Variants in ARFGEF1 observed in about 807,000 individuals in gnomAD.
ARFGEF1 encodes ARF guanine nucleotide exchange factor 1.
In ARFGEF1, 42 loss-of-function variants were observed where a neutral mutation model predicts 231.0. That is an observed-to-expected ratio of 0.18 (90% CI 0.14 to 0.24). ARFGEF1 has a LOEUF of 0.24. Among genes scored for constraint, ARFGEF1 ranks in the 10% least tolerant of loss-of-function variants. The probability of loss-of-function intolerance (pLI) is 1.00; values close to 1 mark genes in which losing one functional copy is unlikely to be tolerated. For missense variants in ARFGEF1, 1,345 were observed against 2,192.0 expected (o/e 0.61, Z 7.72); for synonymous variants, 710 against 732.3 (o/e 0.97, Z 0.49).
chr8:67,264,476 C>T (rs1052879438), intron 14 of ARFGEF1, among the ~76,000 whole-genome samples: 5 of 152,048 alleles, frequency 3.3e-5, no homozygotes, highest in African/African-American at 1.2e-4. Context: ...TAACAGGCTT[C>T]TCTATTTGTC....
Position 67,302,461 on chromosome 8 carries a change from T to A in ARFGEF1, c.130A>T (p.Ile44Leu), listed in dbSNP as rs144563065. The A allele has an allele frequency of 9.3e-5, 146 of 1,570,970 alleles. No individual in the cohort carries two copies. The highest frequency in any genetic ancestry group is 1.2e-4 in the Non-Finnish European group (143 of 1,162,876). ...CTCTGTTTTTCAGTTTCCGCTTTTA[T>A]TTCCTCTGAGGGGAAAAAAAAAGAA... ...RKACEVALEE[I>L]KAETEKQSPP... is the part of the protein sequence containing the mutation. The change falls in exon 2 of 39, where the codon ATA becomes TTA. Residue 44 changes from isoleucine to leucine, a missense_variant. Ile to Leu is a conservative substitution (Grantham distance 5). This residue lies in a region of ARFGEF1 where 398 missense variants were observed against 463.2 expected (regional missense o/e 0.86). Transcript: ENST00000262215.
Position 67,203,215 on chromosome 8 carries a change from G to A in ARFGEF1, c.4996C>T (p.Gln1666Ter). Residue 1666 changes from glutamine to a stop codon, truncating the protein, a stop_gained, in exon 36 of 39, where the codon CAA becomes TAA. Transcript: ENST00000262215. LOFTEE classifies it high-confidence loss of function. The part of the protein sequence containing the change: ...AVDFDVRVDT[Q>*]DQGMYRFLTS... ...AAAAAGCGGTACATTCCTTGGTCTT[G>A]AGTATCAACGCGAACATCAAAGTCC... 6.2e-7 allele frequency: 1 copy of A among 1,614,192 alleles called. No homozygotes were observed. The highest frequency in any genetic ancestry group is 8.5e-7 in the Non-Finnish European group (1 of 1,180,028).
intron 34 of ARFGEF1, among the ~76,000 whole-genome samples, chr8:67,206,837 A>C (rs1413431619): frequency 6.6e-6 from 1 of 152,234 alleles, no homozygotes; most frequent in Non-Finnish European, 1.5e-5. Flanking sequence ...AATGGCTTCA[A>C]TGCTGGGCGA....
At chr8:67,246,117 G>T (rs1305610555) in intron 19 of ARFGEF1, among the ~76,000 whole-genome samples, 2 of 150,042 alleles carry the variant, frequency 1.3e-5, no homozygotes, top group East Asian at 3.9e-4. Context: ...AATATATAAA[G>T]CAAATATTAT....
At chr8:67,242,393 G>A (rs1839958461) in intron 19 of ARFGEF1, among the ~76,000 whole-genome samples, 2 of 152,238 alleles carry the variant, frequency 1.3e-5, no homozygotes, top group South Asian at 4.1e-4. Context: ...CAGGGCACCA[G>A]GCAGAGGTGT....
chr8:67,274,254 C>T (rs1247703293), intron 9 of ARFGEF1, among the ~76,000 whole-genome samples: 1 of 149,606 alleles, frequency 6.7e-6, no homozygotes, highest in Non-Finnish European at 1.5e-5. Flanking sequence ...TTTAGCAAGA[C>T]CAGAAAATAT....
chr8:67,234,293 A>G (rs1354399536), intron 22 of ARFGEF1, among the ~76,000 whole-genome samples: 3 of 152,198 alleles, frequency 2.0e-5, no homozygotes, highest in Non-Finnish European at 4.4e-5. Flanking sequence ...ATGAACTTCA[A>G]TGCAATGTAA....
chr8:67,339,939 A>T (rs1028643396), intron 1 of ARFGEF1, among the ~76,000 whole-genome samples: 1 of 151,924 alleles, frequency 6.6e-6, no homozygotes, highest in Admixed American at 6.6e-5. Flanking sequence ...TTCCTTGAGA[A>T]GTCTTTGAGA....
At chr8:67,218,472 A>T (rs935387916) in intron 30 of ARFGEF1, among the ~76,000 whole-genome samples, 1 of 151,944 alleles carries the variant, frequency 6.6e-6, no homozygotes, top group Non-Finnish European at 1.5e-5. Flanking sequence ...GTGCATGAAT[A>T]GCAACGCCGG....
rs546462471 is a variant in ARFGEF1 at position 67,343,339 on chromosome 8, G to A, written c.-52C>T. The A allele has an allele frequency of 2.5e-6, 4 of 1,602,960 alleles. No individual in the cohort carries two copies. The highest frequency in any genetic ancestry group is 3.4e-6 in the Non-Finnish European group (4 of 1,173,594). On this transcript the variant is annotated 5_prime_UTR_variant, in exon 1 of 39. Coordinates refer to ENST00000262215, the MANE Select transcript of ARFGEF1 (RefSeq NM_006421.5). Reference sequence around the variant, plus strand: ...GTCCGACCCGCGGCTCCCAGCGGCTGGAGGGGAGGAGGAGGAGAGGAAGGA... The same window carrying A: ...GTCCGACCCGCGGCTCCCAGCGGCTAGAGGGGAGGAGGAGGAGAGGAAGGA...
chr8:67,191,013 T>TC (rs1320954991), intron 5 of ARFGEF1, among the ~76,000 whole-genome samples: 3 of 152,302 alleles, frequency 2.0e-5, no homozygotes, highest in Admixed American at 6.5e-5. Context: ...CAACCTTCCT[T>TC]CTTCTCCTGC....
intron 33 of ARFGEF1, among the ~76,000 whole-genome samples, chr8:67,215,267 G>A: frequency 6.6e-6 from 1 of 152,092 alleles, no homozygotes; most frequent in East Asian, 1.9e-4. Context: ...AGGGATTTTG[G>A]ACATAGTGTT....
intron 15 of ARFGEF1, 52 bp from the exon 16 acceptor site, chr8:67,258,342 T>C (rs540194827): frequency 3.9e-6 from 5 of 1,285,476 alleles, no homozygotes; most frequent in Admixed American, 2.1e-5. Flanking sequence ...TTTTTTTTTT[T>C]TGAGACAGAG....
At chr8:67,319,173 T>A (rs1455139243) in intron 1 of ARFGEF1, among the ~76,000 whole-genome samples, 1 of 152,218 alleles carries the variant, frequency 6.6e-6, no homozygotes, top group Admixed American at 6.5e-5. Flanking sequence ...GCAGATTTAA[T>A]CCACTGCCAA....
intron 1 of ARFGEF1, among the ~76,000 whole-genome samples, chr8:67,335,101 ATTTT>A (rs1166810807): frequency 7.6e-6 from 1 of 132,364 alleles, no homozygotes; most frequent in African/African-American, 2.9e-5. Context: ...ATCACGGTAA[ATTTT>A]TTTTTTTTTT....
intron 1 of ARFGEF1, among the ~76,000 whole-genome samples, chr8:67,342,234 T>C (rs77003897): frequency 0.021 from 3,227 of 152,344 alleles, 46 homozygotes; most frequent in Non-Finnish European, 0.031. Flanking sequence ...ATTTCAACTT[T>C]GATGGATGCA....
intron 24 of ARFGEF1, 38 bp from the exon 25 acceptor site, chr8:67,228,170 A>G (rs768267329): frequency 1.9e-6 from 3 of 1,607,522 alleles, no homozygotes; most frequent in South Asian, 1.1e-5. Flanking sequence ...GCTCAACATT[A>G]AAGTTATTTT....
At chr8:67,240,044 C>A in intron 20 of ARFGEF1, 118 bp downstream of exon 20, 3 of 1,354,862 alleles carry the variant, frequency 2.2e-6, no homozygotes, top group Non-Finnish European at 3.0e-6. Flanking sequence ...TAAATTCCAT[C>A]ATAAACTTGA....
intron 1 of ARFGEF1, among the ~76,000 whole-genome samples, chr8:67,324,858 A>C (rs888709521): frequency 4.6e-5 from 7 of 152,236 alleles, no homozygotes; most frequent in Non-Finnish European, 1.0e-4. Context: ...TCACAGTAAC[A>C]CAATTTAAAA....
Sources: allele counts gnomAD v4.1 joint callset (sites outside exome capture counted in the v4.1 genomes callset), GRCh38; gene constraint gnomAD v4.1.1; regional missense constraint gnomAD v4.1.1; transcripts MANE v1.5; gene names NCBI Gene and HGNC (gene_info 2026-07-23, HGNC 2026-07-21).